Variants in GIGYF2 observed in about 807,000 individuals in gnomAD.
The protein encoded by GIGYF2 is GRB10-interacting GYF protein 2.
A neutral mutation model predicts 208.1 loss-of-function variants in GIGYF2; 25 were observed. The ratio of observed to expected loss-of-function variants is 0.12; its 90% CI spans 0.09 to 0.17. The LOEUF is 0.17. Among genes scored for constraint, GIGYF2 ranks in the 10% least tolerant of loss-of-function variants. The probability of loss-of-function intolerance (pLI) is 1.00; values close to 1 mark genes in which losing one functional copy is unlikely to be tolerated. For missense variants in GIGYF2, 1,302 were observed against 1,579.4 expected (o/e 0.82, Z 2.98); for synonymous variants, 534 against 543.8 (o/e 0.98, Z 0.25).
At position 232,786,422 on chromosome 2, in the gene GIGYF2, G is replaced by C. The variant is rs537546343; in HGVS notation, c.533-728G>C. The stretch of plus-strand genomic sequence containing the variant: ...CCAGCTAATTTTTGTATTTTGAGTA[G>C]ACATGAGGTTTCACCACATTGGCCA... On this transcript the variant is annotated intron_variant, in intron 8 of 28. Transcript: ENST00000373563. Among the ~76,000 whole-genome samples, 6 of 152,238 alleles carry C rather than the reference G, an allele frequency of 3.9e-5. No individual in the cohort carries two copies. The South Asian group carries it at 8.3e-4, about 21-fold the overall frequency.
intron 21 of GIGYF2, among the ~76,000 whole-genome samples, chr2:232,822,451 G>A (rs980029757): frequency 1.3e-5 from 2 of 152,224 alleles, no homozygotes; most frequent in African/African-American, 4.8e-5. Context: ...GGGAGGCCAA[G>A]GCGGGCAGAT....
chr2:232,802,503 TC>T (rs1263798392), intron 14 of GIGYF2, among the ~76,000 whole-genome samples: 1 of 152,150 alleles, frequency 6.6e-6, no homozygotes, highest in African/African-American at 2.4e-5. Flanking sequence ...GTGGTTTTTT[TC>T]CCCCCTTATT....
At position 232,858,362 on chromosome 2, in the gene GIGYF2, C is replaced by T. The variant is rs1412744354; in HGVS notation, c.*1502C>T. The T allele has an allele frequency of 7.3e-6, 3 of 411,970 alleles. No homozygotes were observed. The highest frequency in any genetic ancestry group is 1.4e-5 in the Non-Finnish European group (3 of 211,804). The allele number at this position is 411,970 out of a possible 1,614,324, so 25.5% of individuals were successfully genotyped here. A position where few individuals can be genotyped will look rare whatever the true frequency, so the allele number is the denominator to read the frequency against. On this transcript the variant is annotated 3_prime_UTR_variant, in exon 29 of 29. Transcript: ENST00000373563. ...TTTTGGATCACCATTCTCCCTATCC[C>T]TTCTTGCCTCCCTCCCTTCTAAACA...
At chr2:232,735,942 G>A in intron 3 of GIGYF2, 2 of 984,124 alleles carry the variant, frequency 2.0e-6, no homozygotes, top group Non-Finnish European at 2.4e-6. Context: ...AACCCCTTTG[G>A]TAATATCAGA....
Position 232,735,138 on chromosome 2 carries a change from AT to A in GIGYF2, c.-43-12del. 2 of 1,116,138 alleles carry A rather than the reference AT, an allele frequency of 1.8e-6. No homozygotes were observed. 69.1% of individuals were successfully genotyped at this position (1,116,138 alleles called of 1,614,324 possible). ...TAATCTCAACTAATAGTATGGAGAT[AT>A]TTTTCTCGTTAACAGGTTTCTTCAC... On this transcript the variant is annotated splice_polypyrimidine_tract_variant and intron_variant, in intron 2 of 28. Coordinates refer to ENST00000373563, the MANE Select transcript of GIGYF2 (RefSeq NM_001103146.3).
At chr2:232,852,786 T>A (rs1487997960) in intron 28 of GIGYF2, among the ~76,000 whole-genome samples, 1 of 152,184 alleles carries the variant, frequency 6.6e-6, no homozygotes, top group Non-Finnish European at 1.5e-5. Flanking sequence ...GGGTTCTAGC[T>A]AAGAAGCTTT....
At chr2:232,748,227 G>T (rs1698220316) in intron 4 of GIGYF2, among the ~76,000 whole-genome samples, 1 of 152,096 alleles carries the variant, frequency 6.6e-6, no homozygotes. Flanking sequence ...ATATACTTTT[G>T]TTATGACTTT....
intron 2 of GIGYF2, among the ~76,000 whole-genome samples, chr2:232,732,583 T>C: frequency 6.6e-6 from 1 of 152,144 alleles, no homozygotes; most frequent in East Asian, 1.9e-4. Context: ...TGCATTCTAA[T>C]TTCAGAGAAA....
intron 28 of GIGYF2, among the ~76,000 whole-genome samples, chr2:232,853,013 A>G (rs1350121088): frequency 1.3e-5 from 2 of 152,244 alleles, no homozygotes; most frequent in African/African-American, 2.4e-5. Context: ...CAAACGTTGA[A>G]CAAAGTATTG....
At chr2:232,776,192 A>G (rs1231566219) in intron 8 of GIGYF2, among the ~76,000 whole-genome samples, 1 of 152,028 alleles carries the variant, frequency 6.6e-6, no homozygotes, top group Non-Finnish European at 1.5e-5. Context: ...CTACTGATAT[A>G]TTGTAATAGA....
At position 232,787,726 on chromosome 2, in the gene GIGYF2, A is replaced by G. The variant is rs115257267; in HGVS notation, c.712+397A>G. ...CCAACAATGAGTGTTTTTCCTAACA[A>G]GAAAGGGTTTATTCTTTCATTTTTT... is the stretch of plus-strand genomic sequence containing the variant. On this transcript the variant is annotated intron_variant, in intron 9 of 28. Coordinates refer to ENST00000373563, the MANE Select transcript of GIGYF2 (RefSeq NM_001103146.3). Among the ~76,000 whole-genome samples the G allele has an allele frequency of 4.5e-3, 682 of 152,342 alleles. 4 individuals are homozygous for G. The highest frequency in any genetic ancestry group is 0.016 in the African/African-American group (651 of 41,584).
intron 8 of GIGYF2, among the ~76,000 whole-genome samples, chr2:232,768,978 A>C (rs541350746): frequency 4.6e-5 from 7 of 152,282 alleles, no homozygotes; most frequent in South Asian, 2.1e-4. Context: ...TATTTGCCTG[A>C]AGCATTTTTC....
intron 27 of GIGYF2, among the ~76,000 whole-genome samples, chr2:232,849,650 C>T (rs761140550): frequency 4.5e-4 from 69 of 152,190 alleles, no homozygotes; most frequent in Non-Finnish European, 1.0e-4. Context: ...TTCCACTTCT[C>T]CCCCACTACT....
chr2:232,844,493 A>G lies in GIGYF2; in HGVS notation c.3224A>G (p.Asn1075Ser), dbSNP rs1701933931. 1 of 1,613,830 alleles carries G rather than the reference A, an allele frequency of 6.2e-7. No individual in the cohort carries two copies. The highest frequency in any genetic ancestry group is 8.5e-7 in the Non-Finnish European group (1 of 1,179,704). ...AGTAATGCTGACACTAAAAACTCCA[A>G]CATGGGATTCTGGGATGATGCAGTG... is the stretch of plus-strand genomic sequence containing the variant. ...IWSNADTKNS[N>S]MGFWDDAVKE... Residue 1075 changes from asparagine to serine, a missense_variant, in exon 25 of 29, where the codon AAC becomes AGC. This residue lies in a region of GIGYF2 where 701 missense variants were observed against 793.0 expected (regional missense o/e 0.88). Transcript: ENST00000373563.
rs1490422950 is a variant in GIGYF2 at position 232,858,587 on chromosome 2, GA to G, written c.*1731del. On this transcript the variant is annotated 3_prime_UTR_variant, in exon 29 of 29. Transcript: ENST00000373563. The stretch of plus-strand genomic sequence containing the variant: ...CCTCGGAACTTTTGCCAGTGTGGAG[GA>G]AAATAAAAAAGAACTTAAATAAAAT... The G allele has an allele frequency of 2.2e-6, 1 of 454,190 alleles. No homozygotes were observed. Among genetic ancestry groups the G allele is most frequent in the East Asian group, 7.0e-5 (1 of 14,370 alleles). 28.1% of individuals were successfully genotyped at this position (454,190 alleles called of 1,614,324 possible). A position where few individuals can be genotyped will look rare whatever the true frequency, so the allele number is the denominator to read the frequency against.
chr2:232,794,664 C>A, intron 12 of GIGYF2, 84 bp from the exon 13 acceptor site: 1 of 1,041,094 alleles, frequency 9.6e-7, no homozygotes, highest in Non-Finnish European at 1.5e-6. Context: ...GCCCATTTAG[C>A]AGGCTGTGCG....
Position 232,817,039 on chromosome 2 carries a change from A to G in GIGYF2, c.2370+7A>G, listed in dbSNP as rs754955138. 6.2e-7 allele frequency: 1 copy of G among 1,603,876 alleles called. No homozygotes were observed. The highest frequency in any genetic ancestry group is 8.5e-7 in the Non-Finnish European group (1 of 1,170,658). On this transcript the variant is annotated splice_region_variant and intron_variant, in intron 20 of 28. Coordinates refer to ENST00000373563, the MANE Select transcript of GIGYF2 (RefSeq NM_001103146.3). The stretch of plus-strand genomic sequence containing the variant: ...ACTTGCCCGAAGGAAACAGGTATGT[A>G]TCTGGGAACTCTGACCATAGGATTA...
intron 5 of GIGYF2, 111 bp downstream of exon 5, chr2:232,749,193 T>G (rs1698254572): frequency 1.3e-6 from 1 of 755,976 alleles, no homozygotes; most frequent in South Asian, 1.4e-5. Context: ...CTCATAGGTC[T>G]GCTTTCTTCT....
At chr2:232,717,423 T>G (rs950489214) in intron 2 of GIGYF2, among the ~76,000 whole-genome samples, 11 of 152,206 alleles carry the variant, frequency 7.2e-5, no homozygotes, top group Non-Finnish European at 1.5e-4. Context: ...TATGTACTTT[T>G]GTAGTCACCA....
Sources: allele counts gnomAD v4.1 joint callset (sites outside exome capture counted in the v4.1 genomes callset), GRCh38; gene constraint gnomAD v4.1.1; regional missense constraint gnomAD v4.1.1; transcripts MANE v1.5; gene names NCBI Gene and HGNC (gene_info 2026-07-23, HGNC 2026-07-21).